Variants in ACSM2A observed in about 807,000 individuals in gnomAD.
The protein encoded by ACSM2A is acyl-CoA synthetase medium chain family member 2A, also known as acyl-coenzyme A synthetase ACSM2A, mitochondrial.
ACSM2A carries 72 observed loss-of-function variants against 76.6 expected under a neutral mutation model. The ratio of observed to expected loss-of-function variants is 0.94; its 90% CI spans 0.78 to 1.14. The LOEUF (loss-of-function observed/expected upper bound fraction) is 1.14. Ranked by LOEUF, ACSM2A falls within the 50% of genes most tolerant of loss-of-function variation. The probability of loss-of-function intolerance (pLI) is 0.00; values close to 1 mark genes in which losing one functional copy is unlikely to be tolerated. For missense variants in ACSM2A, 684 were observed against 708.5 expected (o/e 0.97, Z 0.39); for synonymous variants, 249 against 255.9 (o/e 0.97, Z 0.26).
intron 13 of ACSM2A, 151 bp downstream of exon 13, chr16:20,483,328 G>A (rs2014201049): frequency 7.7e-7 from 1 of 1,297,638 alleles, no homozygotes; most frequent in South Asian, 1.4e-5. Flanking sequence ...CCAGCACTTT[G>A]GGAGGCTGAG....
intron 1 of ACSM2A, among the ~76,000 whole-genome samples, chr16:20,458,931 T>TAC (rs1555497764): frequency 2.3e-4 from 13 of 56,768 alleles, no homozygotes; most frequent in African/African-American, 4.3e-4. Flanking sequence ...TATATATATA[T>TAC]ACATATATAT....
At chr16:20,458,301 A>C (rs1339164984) in intron 1 of ACSM2A, among the ~76,000 whole-genome samples, 2 of 148,444 alleles carry the variant, frequency 1.3e-5, no homozygotes, top group Non-Finnish European at 3.0e-5. Context: ...CTAGAAAAAA[A>C]ATCCAAAAAT....
chr16:20,471,176 T>G lies in ACSM2A; in HGVS notation c.700T>G (p.Ser234Ala). The G allele has an allele frequency of 6.2e-7, 1 of 1,612,324 alleles. No homozygotes were observed. Among genetic ancestry groups the G allele is most frequent in the Non-Finnish European group, 8.5e-7 (1 of 1,178,732 alleles). ...TGGTCTTCCCAAGATGGCAGAACAT[T>G]CCTACTCGAGCCTGGGCCTCAAGGC... ...TSGLPKMAEHSYSSLGLKAKM... is the reference protein window; with the variant it reads ...TSGLPKMAEHAYSSLGLKAKM... The change falls in exon 5 of 14, where the codon TCC becomes GCC. Residue 234 changes from serine to alanine, a missense_variant. Transcript: ENST00000573854.
chr16:20,486,768 C>A lies in ACSM2A; in HGVS notation c.*90C>A. 4.2e-6 allele frequency: 6 copies of A among 1,421,302 alleles called. No individual in the cohort carries two copies. The highest frequency in any genetic ancestry group is 5.9e-6 in the Non-Finnish European group (6 of 1,024,832). The allele number at this position is 1,421,302 out of a possible 1,614,324, so 88.0% of individuals were successfully genotyped here. A position where few individuals can be genotyped will look rare whatever the true frequency, so the allele number is the denominator to read the frequency against. On this transcript the variant is annotated 3_prime_UTR_variant, in exon 14 of 14. Transcript: ENST00000573854. ...GGCCTTCCTATGATTATATGAGATTCTTTATGGAAGAACATGAATATAAGT... is the reference window on the plus strand; with the variant it reads ...GGCCTTCCTATGATTATATGAGATTATTTATGGAAGAACATGAATATAAGT...
chr16:20,483,112 C>T lies in ACSM2A; in HGVS notation c.1564C>T (p.Gln522Ter). 1 of 1,614,096 alleles carries T rather than the reference C, an allele frequency of 6.2e-7. No individual in the cohort carries two copies. The highest frequency in any genetic ancestry group is 8.5e-7 in the Non-Finnish European group (1 of 1,180,000). The part of the protein sequence containing the change: ...ASQFLSHDPE[Q>*]LTKELQQHVK... Reference sequence around the variant, plus strand: ...GCAGTTCCTGTCCCATGACCCAGAACAGCTCACCAAGGAGCTGCAGCAGCA... The same window carrying T: ...GCAGTTCCTGTCCCATGACCCAGAATAGCTCACCAAGGAGCTGCAGCAGCA... The change falls in exon 13 of 14, where the codon CAG becomes TAG. Residue 522 changes from glutamine (Q) to a stop codon, truncating the protein, a stop_gained. Transcript: ENST00000573854. LOFTEE classifies it high-confidence loss of function.
In ACSM2A at chr16:20,471,061, T is replaced by C; in HGVS notation, c.597-12T>C. On this transcript the variant is annotated splice_polypyrimidine_tract_variant and intron_variant, in intron 4 of 13. Transcript: ENST00000573854. ...CTAGCTCTGAAAAAATGACAATCTG[T>C]GTCTCTGTCAGTGAGGCATCCACCA... 6.2e-7 allele frequency: 1 copy of C among 1,613,072 alleles called. No individual in the cohort carries two copies. The highest frequency in any genetic ancestry group is 2.2e-5 in the East Asian group (1 of 44,846).
At chr16:20,479,503 CCTAT>C (rs1335405276) in intron 10 of ACSM2A, among the ~76,000 whole-genome samples, 2 of 152,140 alleles carry the variant, frequency 1.3e-5, no homozygotes, top group Non-Finnish European at 2.9e-5. Flanking sequence ...AGGGAAGTTA[CCTAT>C]CTGTCATGTC....
chr16:20,457,651 A>G (rs2012271324), intron 1 of ACSM2A, among the ~76,000 whole-genome samples: 1 of 152,082 alleles, frequency 6.6e-6, no homozygotes, highest in Admixed American at 6.6e-5. Context: ...AAATCAGCAT[A>G]CCATGGATAT....
intron 12 of ACSM2A, 196 bp from the exon 13 acceptor site, chr16:20,482,862 C>T (rs1214444849): frequency 2.7e-6 from 2 of 737,618 alleles, no homozygotes; most frequent in African/African-American, 1.8e-5. Context: ...TCCACCTGCT[C>T]CTCCAATAAA....
At chr16:20,453,458 T>C (rs2011914856) in intron 1 of ACSM2A, 1 of 150,316 alleles carries the variant, frequency 6.7e-6, no homozygotes, top group Non-Finnish European at 1.5e-5. Flanking sequence ...TGCCTATCTT[T>C]ACTTTAATCT....
chr16:20,471,957 C>G (rs535934308), intron 6 of ACSM2A, among the ~76,000 whole-genome samples: 1 of 152,308 alleles, frequency 6.6e-6, no homozygotes, highest in Non-Finnish European at 1.5e-5. Flanking sequence ...GTAACGGGCT[C>G]TTCCGCTGGT....
At chr16:20,471,887 T>C (rs535535294) in intron 6 of ACSM2A, among the ~76,000 whole-genome samples, 198 bp downstream of exon 6, 9 of 152,106 alleles carry the variant, frequency 5.9e-5, no homozygotes, top group Non-Finnish European at 1.2e-4. Context: ...GGCACATATA[T>C]AGATAAAAGG....
chr16:20,485,464 A>G (rs1343644149), intron 13 of ACSM2A, among the ~76,000 whole-genome samples: 1 of 152,170 alleles, frequency 6.6e-6, no homozygotes, highest in East Asian at 1.9e-4. Context: ...TGTGGCTTTC[A>G]TCCACTCTCT....
intron 13 of ACSM2A, among the ~76,000 whole-genome samples, chr16:20,484,180 AG>A (rs1384980679): frequency 6.7e-6 from 1 of 150,314 alleles, no homozygotes; most frequent in Admixed American, 6.6e-5. Context: ...GAGAAAGTGC[AG>A]GGGGGATGGG....
At chr16:20,481,397 A>G (rs2014073676) in intron 12 of ACSM2A, 1 of 156,006 alleles carries the variant, frequency 6.4e-6, no homozygotes, top group Non-Finnish European at 1.4e-5. Flanking sequence ...GTTAAAAAAG[A>G]ATGAAATCAT....
chr16:20,460,453 G>A (rs1040550784), intron 2 of ACSM2A, among the ~76,000 whole-genome samples, 162 bp downstream of exon 2: 2 of 152,218 alleles, frequency 1.3e-5, no homozygotes, highest in African/African-American at 4.8e-5. Flanking sequence ...TGGTATGGGA[G>A]AGAGACAGCA....
chr16:20,474,087 T>C (rs1453860661), intron 6 of ACSM2A: 3 of 447,744 alleles, frequency 6.7e-6, no homozygotes, highest in Non-Finnish European at 1.3e-5. Context: ...GTTTGATTGA[T>C]GTCTTATGTC....
intron 5 of ACSM2A, 133 bp downstream of exon 5, chr16:20,471,349 G>A: frequency 2.0e-6 from 3 of 1,501,284 alleles, no homozygotes; most frequent in Non-Finnish European, 2.7e-6. Flanking sequence ...GTTGATACAG[G>A]ATGTGTGGAT....
chr16:20,465,854 A>G, intron 3 of ACSM2A, 127 bp downstream of exon 3: 2 of 1,440,142 alleles, frequency 1.4e-6, no homozygotes, highest in Non-Finnish European at 1.8e-6. Flanking sequence ...TCATATGAAG[A>G]AAGACATCTC....
Sources: gnomAD v4.1 joint callset for allele counts (sites outside exome capture counted in the v4.1 genomes callset) on GRCh38, gnomAD v4.1.1 for gene constraint, MANE v1.5 for transcripts, NCBI Gene and HGNC (gene_info 2026-07-23, HGNC 2026-07-21) for gene names.